SH3BGR: variants seen among roughly 807,000 people sequenced by gnomAD.
SH3BGR encodes SH3 domain-binding glutamic acid-rich protein.
Under a neutral mutation model 24.5 loss-of-function variants are expected in SH3BGR, and 29 were observed. The ratio of observed to expected loss-of-function variants is 1.18; its 90% CI spans 0.88 to 1.61. The LOEUF (loss-of-function observed/expected upper bound fraction) is 1.61. Among genes scored for constraint, SH3BGR ranks in the 40% most tolerant of loss-of-function variants. The pLI, the probability that SH3BGR is intolerant of heterozygous loss-of-function variation, is 0.00. For synonymous variants in SH3BGR, 55 were observed against 65.7 expected (o/e 0.84, Z 0.79); for missense variants, 162 against 205.8 (o/e 0.79, Z 1.30).
rs140320437 is a variant in SH3BGR, at chr21:39,510,429, T to TACAC, written c.436-1228_436-1225dup. 1.6e-3 allele frequency among the ~76,000 whole-genome samples: 167 copies of TACAC among 105,620 alleles called. 1 individual carries two copies. Among genetic ancestry groups the TACAC allele is most frequent in the Non-Finnish European group, 2.3e-3 (122 of 52,150 alleles). 69.3% of individuals were successfully genotyped at this position (105,620 alleles called of 152,430 possible). On this transcript the variant is annotated intron_variant, in intron 5 of 6. Transcript: ENST00000333634. Reference sequence around the variant, plus strand: ...CACACACACACACACACACTGTAGCTACACACACACACACACACACACACA... The same window carrying TACAC: ...CACACACACACACACACACTGTAGCTACACACACACACACACACACACACACACA...
chr21:39,494,577 A>G (rs2078362140), intron 3 of SH3BGR, among the ~76,000 whole-genome samples: 1 of 151,896 alleles, frequency 6.6e-6, no homozygotes, highest in Non-Finnish European at 1.5e-5. Context: ...TTCTGATGAG[A>G]CATGATCTTG....
intron 2 of SH3BGR, among the ~76,000 whole-genome samples, chr21:39,464,987 A>G (rs1273051527): frequency 6.6e-6 from 1 of 151,930 alleles, no homozygotes; most frequent in Non-Finnish European, 1.5e-5. Flanking sequence ...TCTATTTATT[A>G]TTTATTTATT....
intron 4 of SH3BGR, 83 bp downstream of exon 4, chr21:39,499,998 G>A: frequency 1.0e-6 from 1 of 980,248 alleles, no homozygotes; most frequent in East Asian, 2.4e-5. Flanking sequence ...CTTGACTCTG[G>A]GCACAAGCAG....
At chr21:39,507,226 C>T (rs1358189429) in intron 4 of SH3BGR, among the ~76,000 whole-genome samples, 2 of 152,128 alleles carry the variant, frequency 1.3e-5, no homozygotes, top group Admixed American at 6.5e-5. Context: ...GTTCAGTGCC[C>T]GTCTCAGAAA....
At chr21:39,495,156 T>A (rs2078371888) in intron 3 of SH3BGR, among the ~76,000 whole-genome samples, 1 of 152,228 alleles carries the variant, frequency 6.6e-6, no homozygotes, top group African/African-American at 2.4e-5. Flanking sequence ...AAAATCCTTG[T>A]CTGCAAATTC....
At chr21:39,454,135 C>T (rs2077617811) in intron 1 of SH3BGR, among the ~76,000 whole-genome samples, 2 of 152,126 alleles carry the variant, frequency 1.3e-5, no homozygotes, top group Non-Finnish European at 1.5e-5. Context: ...ATTATCCCTG[C>T]GATGTCAGTG....
At position 39,490,003 on chromosome 21, in the gene SH3BGR, G is replaced by A. The variant is rs117935442; in HGVS notation, c.313-9820G>A. Reference sequence around the variant, plus strand: ...ACAAGGATTCTGTTCATGGATGAGGGTATGGAGAAAAGAAGGGAAATAAGT... The same window carrying A: ...ACAAGGATTCTGTTCATGGATGAGGATATGGAGAAAAGAAGGGAAATAAGT... On this transcript the variant is annotated intron_variant, in intron 3 of 6. Transcript: ENST00000333634. Among the ~76,000 whole-genome samples, 895 of 152,300 alleles carry A rather than the reference G, an allele frequency of 5.9e-3. 18 individuals carry two copies. Among genetic ancestry groups the A allele is most frequent in the Non-Finnish European group, 3.6e-3 (246 of 68,030 alleles).
At chr21:39,462,681 C>G in intron 2 of SH3BGR, 121 bp downstream of exon 2, 1 of 595,594 alleles carries the variant, frequency 1.7e-6, no homozygotes, top group Non-Finnish European at 2.8e-6. Flanking sequence ...TGGTCTATTT[C>G]TGCCATCCAA....
chr21:39,501,006 A>G (rs890652913), intron 4 of SH3BGR, among the ~76,000 whole-genome samples: 2 of 152,356 alleles, frequency 1.3e-5, no homozygotes, highest in South Asian at 2.1e-4. Context: ...AAAATCTTCA[A>G]TCTTGACCTA....
At chr21:39,450,174 C>G (rs557425160), upstream of SH3BGR, among the ~76,000 whole-genome samples, 2 of 152,192 alleles carry the variant, frequency 1.3e-5, no homozygotes, top group East Asian at 3.9e-4. Context: ...AAAAATAATA[C>G]GTACTGTAGA....
intron 3 of SH3BGR, among the ~76,000 whole-genome samples, chr21:39,485,011 G>A (rs139172532): frequency 6.6e-6 from 1 of 152,322 alleles, no homozygotes; most frequent in Non-Finnish European, 1.5e-5. Context: ...ATCATCATAT[G>A]CAGCATCATT....
chr21:39,481,647 A>G (rs915573744), intron 3 of SH3BGR, among the ~76,000 whole-genome samples: 1 of 152,214 alleles, frequency 6.6e-6, no homozygotes, highest in Non-Finnish European at 1.5e-5. Context: ...ATAGATAACT[A>G]TCACCCCAAT....
chr21:39,458,096 G>C (rs975479), intron 1 of SH3BGR, among the ~76,000 whole-genome samples: 136,743 of 152,192 alleles, frequency 0.9, 61,475 homozygotes, highest in African/African-American at 0.91. Context: ...GGTTTGCATC[G>C]AGATATTAGA....
chr21:39,515,170 C>T lies in SH3BGR; in HGVS notation c.*117C>T, dbSNP rs760561067. On this transcript the variant is annotated 3_prime_UTR_variant, in exon 7 of 7. Coordinates refer to ENST00000333634, the MANE Select transcript of SH3BGR (RefSeq NM_007341.3). ...AATACTTTGGCTTGAAGCCGGCACA[C>T]CCAGGGTTACTGAGGACTTATGCTG... 2.1e-6 allele frequency: 1 copy of T among 468,264 alleles called. No homozygotes were observed. The highest frequency in any genetic ancestry group is 4.4e-6 in the Non-Finnish European group (1 of 225,728). The allele number at this position is 468,264 out of a possible 1,614,324, so 29.0% of individuals were successfully genotyped here.
At chr21:39,480,619 T>C (rs1234771334) in intron 3 of SH3BGR, among the ~76,000 whole-genome samples, 1 of 152,258 alleles carries the variant, frequency 6.6e-6, no homozygotes, top group African/African-American at 2.4e-5. Flanking sequence ...TTGGGTTGTT[T>C]CCACGTTTTG....
intron 2 of SH3BGR, among the ~76,000 whole-genome samples, chr21:39,473,507 C>G (rs2077975443): frequency 6.6e-6 from 1 of 152,136 alleles, no homozygotes; most frequent in Admixed American, 6.5e-5. Flanking sequence ...AGCTTCCAAC[C>G]ATGTATTCAG....
At position 39,457,761 on chromosome 21, in the gene SH3BGR, A is replaced by G. The variant is rs1310969184; in HGVS notation, c.46-4614A>G. On this transcript the variant is annotated intron_variant, in intron 1 of 6. Transcript: ENST00000333634. ...AGCCTGGGCAGCATGGTGAAACTCC[A>G]TCTCTACCAAAAATTAGCCAGACGT... Among the ~76,000 whole-genome samples the G allele has an allele frequency of 9.2e-5, 14 of 151,878 alleles. No homozygotes were observed. The East Asian group carries it at 2.7e-3, about 29-fold the overall frequency.
intron 3 of SH3BGR, among the ~76,000 whole-genome samples, chr21:39,476,662 C>T (rs2078032721): frequency 6.6e-6 from 1 of 152,266 alleles, no homozygotes; most frequent in South Asian, 2.1e-4. Context: ...TTTACCCAAG[C>T]TCAATCTCTC....
intron 3 of SH3BGR, among the ~76,000 whole-genome samples, chr21:39,498,510 A>C (rs1238395885): frequency 6.6e-6 from 1 of 152,210 alleles, no homozygotes. Context: ...AGTGAAGATT[A>C]AGGATGAAGA....
Sources: gnomAD v4.1 joint callset for allele counts (sites outside exome capture counted in the v4.1 genomes callset) on GRCh38, gnomAD v4.1.1 for gene constraint, MANE v1.5 for transcripts, NCBI Gene and HGNC (gene_info 2026-07-23, HGNC 2026-07-21) for gene names.